RARB: variants seen among roughly 807,000 people sequenced by gnomAD.
RARB encodes the protein retinoic acid receptor beta, also known as HBV-activated protein.
A neutral mutation model predicts 51.9 loss-of-function variants in RARB; 17 were observed. The ratio of observed to expected loss-of-function variants is 0.33; its 90% CI spans 0.22 to 0.49. The LOEUF (loss-of-function observed/expected upper bound fraction) is 0.49. Ranked by LOEUF, RARB falls within the 20% of genes least tolerant of loss-of-function variation. The pLI, the probability that RARB is intolerant of heterozygous loss-of-function variation, is 0.99. For synonymous variants in RARB, 215 were observed against 195.4 expected (o/e 1.10, Z -0.84); for missense variants, 369 against 550.8 (o/e 0.67, Z 3.30).
chr3:25,120,595 G>T (rs1699768894), intron 3 of RARB, among the ~76,000 whole-genome samples: 1 of 146,588 alleles, frequency 6.8e-6, no homozygotes, highest in South Asian at 2.2e-4. Flanking sequence ...TTTTCTGAAT[G>T]TGCAGTTCAA....
chr3:24,879,718 A>G (rs1703119769), intron 2 of RARB, among the ~76,000 whole-genome samples: 1 of 152,116 alleles, frequency 6.6e-6, no homozygotes, highest in Admixed American at 6.5e-5. Context: ...TCACCGTGGC[A>G]GAAGTTAACT....
At chr3:25,042,991 A>G (rs1332304762) in intron 2 of RARB, among the ~76,000 whole-genome samples, 1 of 152,234 alleles carries the variant, frequency 6.6e-6, no homozygotes, top group African/African-American at 2.4e-5. Flanking sequence ...TTCACAGACG[A>G]AAATGCTGAA....
chr3:25,240,648 T>C (rs1702409604), intron 5 of RARB, among the ~76,000 whole-genome samples: 1 of 152,198 alleles, frequency 6.6e-6, no homozygotes, highest in African/African-American at 2.4e-5. Context: ...GAGTTACATA[T>C]GTGGAGACAT....
intron 2 of RARB, among the ~76,000 whole-genome samples, chr3:25,462,041 A>G (rs1695212249): frequency 6.6e-6 from 1 of 152,208 alleles, no homozygotes; most frequent in South Asian, 2.1e-4. Flanking sequence ...CTTGCAGGGA[A>G]TTCAAGGTTG....
chr3:24,895,593 C>T (rs932169849), intron 2 of RARB, among the ~76,000 whole-genome samples: 12 of 145,704 alleles, frequency 8.2e-5, no homozygotes, highest in African/African-American at 3.1e-4. Context: ...TTATCTTTCT[C>T]ACTTGCTCCT....
chr3:25,215,855 G>C (rs1701822963), intron 5 of RARB, among the ~76,000 whole-genome samples: 1 of 152,176 alleles, frequency 6.6e-6, no homozygotes, highest in Non-Finnish European at 1.5e-5. Flanking sequence ...ATTCAAGAAA[G>C]TAATGTCTGG....
intron 1 of RARB, among the ~76,000 whole-genome samples, chr3:25,457,346 C>T (rs900566823): frequency 3.3e-5 from 5 of 152,114 alleles, no homozygotes; most frequent in Non-Finnish European, 5.9e-5. Context: ...TGTCACTCAG[C>T]CAAACAAATG....
chr3:25,289,719 G>A (rs1298879819), intron 5 of RARB, among the ~76,000 whole-genome samples: 4 of 151,320 alleles, frequency 2.6e-5, no homozygotes, highest in Non-Finnish European at 5.9e-5. Flanking sequence ...GCATAATAAA[G>A]GAGTGGGAGG....
At chr3:25,455,341 A>G (rs762379157) in intron 1 of RARB, among the ~76,000 whole-genome samples, 2 of 152,126 alleles carry the variant, frequency 1.3e-5, no homozygotes, top group Non-Finnish European at 2.9e-5. Flanking sequence ...AGACTAAGAA[A>G]TGGTGCTTCA....
intron 2 of RARB, among the ~76,000 whole-genome samples, chr3:24,866,214 C>T (rs550118150): frequency 6.6e-6 from 1 of 152,216 alleles, no homozygotes; most frequent in African/African-American, 2.4e-5. Flanking sequence ...TTCCATTTTA[C>T]CAGTCCTAAC....
chr3:25,086,688 AG>A (rs779480292), intron 3 of RARB, among the ~76,000 whole-genome samples: 7 of 149,910 alleles, frequency 4.7e-5, no homozygotes, highest in Non-Finnish European at 1.0e-4. Context: ...GGGACAACTC[AG>A]GGTTGGGGGT....
intron 5 of RARB, among the ~76,000 whole-genome samples, chr3:25,335,005 CAG>C (rs986833781): frequency 1.2e-4 from 18 of 152,190 alleles, no homozygotes; most frequent in African/African-American, 4.1e-4. Flanking sequence ...TGGGGAGAGA[CAG>C]AGGTTAGAGG....
intron 5 of RARB, among the ~76,000 whole-genome samples, chr3:25,383,939 A>AG (rs1341259706): frequency 6.6e-6 from 1 of 152,010 alleles, no homozygotes; most frequent in Non-Finnish European, 1.5e-5. Flanking sequence ...TCAAAAAAAA[A>AG]AAAAAGGTTT....
chr3:25,161,397 G>A (rs1411054673), intron 4 of RARB, among the ~76,000 whole-genome samples: 1 of 152,084 alleles, frequency 6.6e-6, no homozygotes, highest in Non-Finnish European at 1.5e-5. Flanking sequence ...TTTGCCATAT[G>A]AGGTAATGTT....
chr3:25,470,529 T>A (rs913499962), intron 2 of RARB, among the ~76,000 whole-genome samples: 2 of 152,130 alleles, frequency 1.3e-5, no homozygotes, highest in African/African-American at 4.8e-5. Flanking sequence ...AGAGGAGTGT[T>A]CCAGGCAAAA....
At chr3:24,835,661 T>G (rs1702335781) in intron 1 of RARB, among the ~76,000 whole-genome samples, 1 of 152,212 alleles carries the variant, frequency 6.6e-6, no homozygotes, top group African/African-American at 2.4e-5. Flanking sequence ...TCCTCTTAAC[T>G]GCTGTTCTTT....
chr3:24,921,564 C>T lies in RARB; in HGVS notation c.-380+62812C>T, dbSNP rs528265100. 9.9e-5 allele frequency among the ~76,000 whole-genome samples: 15 copies of T among 152,208 alleles called. No individual in the cohort carries two copies. The South Asian group carries it at 2.9e-3, about 29-fold the overall frequency. On this transcript the variant is annotated intron_variant, in intron 2 of 11. Coordinates refer to the RARB transcript ENST00000383772. ...GTGTTTACCAGTGAGCTTCCTGCCT[C>T]GCTCTTCAGATCAACCTTTCTTCTT...
At chr3:25,548,664 C>G (rs1199912817) in intron 3 of RARB, among the ~76,000 whole-genome samples, 1 of 133,768 alleles carries the variant, frequency 7.5e-6, no homozygotes, top group African/African-American at 2.6e-5. Context: ...AAAAAAAAAC[C>G]TTTTGAGAGG....
intron 2 of RARB, among the ~76,000 whole-genome samples, chr3:25,036,430 A>G (rs944791089): frequency 6.6e-6 from 1 of 152,124 alleles, no homozygotes; most frequent in African/African-American, 2.4e-5. Flanking sequence ...TACCTCTATT[A>G]ATTACATGCC....
Sources: allele counts gnomAD v4.1 joint callset (sites outside exome capture counted in the v4.1 genomes callset), GRCh38; gene constraint gnomAD v4.1.1; transcripts MANE v1.5; gene names NCBI Gene and HGNC (gene_info 2026-07-23, HGNC 2026-07-21).